The following RSPH14 variants were observed in gnomAD, a reference collection of about 807,000 sequenced individuals.
RSPH14 encodes the protein radial spoke head 14 homolog, also known as rhabdoid tumor deletion region gene 1.
RSPH14 carries 20 observed loss-of-function variants against 26.7 expected under a neutral mutation model. The observed-to-expected ratio is 0.75, with a 90% CI of 0.53 to 1.09. RSPH14 has a LOEUF of 1.09. Ranked by LOEUF, RSPH14 falls within the 50% of genes least tolerant of loss-of-function variation. The pLI, the probability that RSPH14 is intolerant of heterozygous loss-of-function variation, is 0.00. For synonymous variants in RSPH14, 177 were observed against 189.3 expected (o/e 0.93, Z 0.53); for missense variants, 449 against 457.2 (o/e 0.98, Z 0.16).
the RSPH14 span, chr22:23,180,549 G>C: frequency 1.6e-5 from 3 of 186,820 alleles, no homozygotes; most frequent in African/African-American, 7.2e-5. Flanking sequence ...AGAGCCGGCT[G>C]GCTGAGCTTA....
At chr22:23,131,500 G>A (rs1348023476) in intron 4 of RSPH14, 5 of 639,586 alleles carry the variant, frequency 7.8e-6, no homozygotes, top group East Asian at 1.4e-4. Flanking sequence ...GATATAGAAT[G>A]TAAAGATTTG....
At chr22:23,079,896 A>C (rs1008002474) in intron 4 of RSPH14, among the ~76,000 whole-genome samples, 4 of 152,146 alleles carry the variant, frequency 2.6e-5, no homozygotes, top group African/African-American at 7.2e-5. Flanking sequence ...TAGGTCCCCA[A>C]GGTAGGGGAT....
the RSPH14 span, chr22:23,161,060 G>C: frequency 2.0e-6 from 3 of 1,535,628 alleles, no homozygotes; most frequent in African/African-American, 1.4e-5. Flanking sequence ...ATCCACATGC[G>C]CCATCCTCGT....
At chr22:23,085,122 T>C (rs1184404255) in intron 4 of RSPH14, among the ~76,000 whole-genome samples, 2 of 152,134 alleles carry the variant, frequency 1.3e-5, no homozygotes, top group Admixed American at 1.3e-4. Context: ...TCCAGGCAGC[T>C]TCTCCCCAGG....
At chr22:23,155,749 T>G in the RSPH14 span, among the ~76,000 whole-genome samples, 1 of 152,194 alleles carries the variant, frequency 6.6e-6, no homozygotes. Context: ...CACACCCCCA[T>G]CCACTAGGAA....
chr22:23,124,190 A>ATT (rs67228409), intron 4 of RSPH14: 140 of 141,706 alleles, frequency 9.9e-4, no homozygotes, highest in African/African-American at 6.3e-3. Context: ...CTTCTCTGAC[A>ATT]TTTTTTTTTT....
chr22:23,118,560 G>A (rs1202721538), intron 4 of RSPH14, among the ~76,000 whole-genome samples: 3 of 150,280 alleles, frequency 2.0e-5, no homozygotes, highest in Non-Finnish European at 4.5e-5. Flanking sequence ...TGTGGCAGTT[G>A]GAAAATACCA....
chr22:23,078,155 C>A (rs187877788), intron 4 of RSPH14, among the ~76,000 whole-genome samples: 1 of 152,336 alleles, frequency 6.6e-6, no homozygotes, highest in East Asian at 1.9e-4. Context: ...AGCATGGTCA[C>A]CCCCTCACCC....
intron 4 of RSPH14, among the ~76,000 whole-genome samples, chr22:23,096,866 C>T (rs1402525190): frequency 3.9e-5 from 6 of 152,196 alleles, no homozygotes; most frequent in South Asian, 2.1e-4. Context: ...GGAAAGGGGA[C>T]GACGTAAAAG....
At chr22:23,138,166 C>A (rs1164143851) in intron 3 of RSPH14, among the ~76,000 whole-genome samples, 1 of 152,140 alleles carries the variant, frequency 6.6e-6, no homozygotes, top group Non-Finnish European at 1.5e-5. Flanking sequence ...AAAGCCACAG[C>A]CCCTGTGGGG....
At position 23,109,700 on chromosome 22, in the gene RSPH14, A is replaced by G. The variant is rs564558960; in HGVS notation, c.421+24326T>C. Among the ~76,000 whole-genome samples, 772 of 152,310 alleles carry G rather than the reference A, an allele frequency of 5.1e-3. 5 individuals are homozygous for G. Among genetic ancestry groups the G allele is most frequent in the Non-Finnish European group, 8.1e-3 (551 of 68,018 alleles). ...GTCTCCCTCAGCATCTCAGATGCTC[A>G]CAGAACCACGGGGGCAGCAGGGTTC... is the stretch of plus-strand genomic sequence containing the variant. On this transcript the variant is annotated intron_variant, in intron 4 of 6. Transcript: ENST00000216036.
At position 23,106,796 on chromosome 22, in the gene RSPH14, C is replaced by T. The variant is rs145296023; in HGVS notation, c.421+27230G>A. 3.9e-3 allele frequency among the ~76,000 whole-genome samples: 589 copies of T among 152,366 alleles called. 3 individuals are homozygous for T. Among genetic ancestry groups the T allele is most frequent in the African/African-American group, 0.014 (572 of 41,590 alleles). Reference sequence around the variant, plus strand: ...TCCCCACCACACAGATGAGGAAACTCGGGTTTCAGGAAAAGTTGTCCCTGT... The same window carrying T: ...TCCCCACCACACAGATGAGGAAACTTGGGTTTCAGGAAAAGTTGTCCCTGT... On this transcript the variant is annotated intron_variant, in intron 4 of 6. Transcript: ENST00000216036.
chr22:23,070,370 C>CGGCGGGCGGCGCGGGAG (rs1171047279), intron 4 of RSPH14: 1 of 144,120 alleles, frequency 6.9e-6, no homozygotes, highest in African/African-American at 2.5e-5. Flanking sequence ...GGGCGGCGGG[C>CGGCGGGCGGCGCGGGAG]GGCGGGCGGC....
At chr22:23,111,170 T>C (rs2069645496) in intron 4 of RSPH14, among the ~76,000 whole-genome samples, 1 of 152,184 alleles carries the variant, frequency 6.6e-6, no homozygotes, top group Non-Finnish European at 1.5e-5. Context: ...GTGGCCTCAC[T>C]GTCTGCCTGG....
intron 4 of RSPH14, among the ~76,000 whole-genome samples, chr22:23,064,340 G>T (rs756193681): frequency 6.6e-6 from 1 of 152,242 alleles, no homozygotes; most frequent in African/African-American, 2.4e-5. Context: ...CATGTCAGGG[G>T]CTAAGGGCGG....
the RSPH14 span, among the ~76,000 whole-genome samples, chr22:23,170,623 C>T: frequency 6.6e-6 from 1 of 151,916 alleles, no homozygotes; most frequent in African/African-American, 2.4e-5. Flanking sequence ...GTCCCAGCTA[C>T]TCGGGAAGCT....
chr22:23,141,242 T>C lies in RSPH14; in HGVS notation c.-53+707A>G, dbSNP rs9624034. Among the ~76,000 whole-genome samples, 308 of 146,006 alleles carry C rather than the reference T, an allele frequency of 2.1e-3. 3 individuals carry two copies. The highest frequency in any genetic ancestry group is 7.5e-3 in the African/African-American group (293 of 38,920). ...TACTCGGGAGGCTGAGGCAGGAGAA[T>C]CGCTTGAATCAGGGAGGCGGAGGTT... On this transcript the variant is annotated intron_variant, in intron 1 of 6. Transcript: ENST00000216036.
At chr22:23,130,377 C>G (rs2070322475) in intron 4 of RSPH14, among the ~76,000 whole-genome samples, 1 of 151,122 alleles carries the variant, frequency 6.6e-6, no homozygotes, top group Non-Finnish European at 1.5e-5. Context: ...ATGGCATGAA[C>G]CCGGGAGGTG....
chr22:23,169,313 A>C, the RSPH14 span, among the ~76,000 whole-genome samples: 1 of 152,104 alleles, frequency 6.6e-6, no homozygotes, highest in South Asian at 2.1e-4. Context: ...CCAGCTCCCT[A>C]TGGTTGATAG....
Sources: allele counts gnomAD v4.1 joint callset (sites outside exome capture counted in the v4.1 genomes callset), GRCh38; gene constraint gnomAD v4.1.1; transcripts MANE v1.5; gene names NCBI Gene and HGNC (gene_info 2026-07-23, HGNC 2026-07-21).